NCAM2: variants seen among roughly 807,000 people sequenced by gnomAD.
The protein encoded by NCAM2 is N-CAM-2.
NCAM2 carries 30 observed loss-of-function variants against 98.1 expected under a neutral mutation model. The ratio of observed to expected loss-of-function variants is 0.31; its 90% CI spans 0.23 to 0.41. The LOEUF (loss-of-function observed/expected upper bound fraction) is 0.41, where lower values mean the gene tolerates loss of function less well. Among genes scored for constraint, NCAM2 ranks in the 10% least tolerant of loss-of-function variants. The pLI, the probability that NCAM2 is intolerant of heterozygous loss-of-function variation, is 1.00. For synonymous variants in NCAM2, 368 were observed against 342.4 expected (o/e 1.07, Z -0.83); for missense variants, 867 against 1,005.8 (o/e 0.86, Z 1.87).
intron 15 of NCAM2, among the ~76,000 whole-genome samples, chr21:21,496,156 T>C (rs1987219190): frequency 6.6e-6 from 1 of 151,784 alleles, no homozygotes; most frequent in Admixed American, 6.6e-5. Flanking sequence ...CTGGGTCAAA[T>C]GGTAGTTCTG....
intron 1 of NCAM2, among the ~76,000 whole-genome samples, chr21:21,175,086 G>GA (rs1332233121): frequency 6.6e-6 from 1 of 152,052 alleles, no homozygotes; most frequent in African/African-American, 2.4e-5. Context: ...GCTTGAAACA[G>GA]AAAAATAACA....
intron 12 of NCAM2, among the ~76,000 whole-genome samples, chr21:21,445,793 G>T (rs981421808): frequency 1.3e-5 from 2 of 152,076 alleles, no homozygotes; most frequent in Admixed American, 6.6e-5. Context: ...GCCAGTCTGT[G>T]TCTTTTAATT....
intron 1 of NCAM2, among the ~76,000 whole-genome samples, chr21:21,242,788 GAATGAATACCTTTTTGGCATC>G (rs894670581): frequency 6.6e-6 from 1 of 152,104 alleles, no homozygotes; most frequent in Admixed American, 6.6e-5. Flanking sequence ...ATACTGCAAT[GAATGAATACCTTTTTGGCATC>G]ATGTTATCCA....
At chr21:21,038,268 A>G (rs182111664) in intron 1 of NCAM2, among the ~76,000 whole-genome samples, 77 of 152,352 alleles carry the variant, frequency 5.1e-4, no homozygotes, top group African/African-American at 1.7e-3. Context: ...TTTTGTATAT[A>G]AAAGAAAATG....
Position 21,542,146 on chromosome 21 carries a change from A to G in NCAM2, c.*4189A>G, listed in dbSNP as rs1990255751. 4 of 151,884 alleles carry G rather than the reference A, an allele frequency of 2.6e-5. No individual in the cohort carries two copies. Among genetic ancestry groups the G allele is most frequent in the Non-Finnish European group, 1.5e-5 (1 of 67,838 alleles). 9.4% of individuals were successfully genotyped at this position (151,884 alleles called of 1,614,324 possible). On this transcript the variant is annotated 3_prime_UTR_variant, in exon 18 of 18. Coordinates refer to ENST00000400546, the MANE Select transcript of NCAM2 (RefSeq NM_004540.5). ...CTTAAGATGAAACAATTTTATGTCC[A>G]AATGAGAAATTTATAAAAAGACCCA...
intron 10 of NCAM2, among the ~76,000 whole-genome samples, chr21:21,411,110 A>ATGTGTATATATATATACATATATATG (rs373718170): frequency 6.3e-4 from 17 of 26,976 alleles, no homozygotes; most frequent in African/African-American, 1.2e-3. Flanking sequence ...ATACATATAT[A>ATGTGTATATATATATACATATATATG]TGTATATATA....
chr21:21,466,742 A>AT lies in NCAM2; in HGVS notation c.1774+23dup. 6.3e-7 allele frequency: 1 copy of AT among 1,587,516 alleles called. No homozygotes were observed. Among genetic ancestry groups the AT allele is most frequent in the Non-Finnish European group, 8.6e-7 (1 of 1,167,882 alleles). ...TACCAGTTCGTAAGTAATCATCTCT[A>AT]TTTTTTATTCTCTTTTGTCATTTTC... On this transcript the variant is annotated intron_variant, in intron 13 of 17. Transcript: ENST00000400546.
chr21:21,484,584 A>G (rs926814106), intron 15 of NCAM2, among the ~76,000 whole-genome samples: 17 of 152,224 alleles, frequency 1.1e-4, no homozygotes, highest in Admixed American at 7.2e-4. Context: ...ATCATATGGT[A>G]TATCCTCTTA....
chr21:21,216,815 C>T lies in NCAM2; in HGVS notation c.56-63763C>T, dbSNP rs183353591. Among the ~76,000 whole-genome samples the T allele has an allele frequency of 3.5e-3, 534 of 152,230 alleles. 5 individuals carry two copies. The highest frequency in any genetic ancestry group is 0.012 in the African/African-American group (516 of 41,534). ...ATGAAGAGAGTCTGCTTCAGGTTCC[C>T]TTAGGTACAGGTGGGAAAACCCTGG... On this transcript the variant is annotated intron_variant, in intron 1 of 17. Coordinates refer to ENST00000400546, the MANE Select transcript of NCAM2 (RefSeq NM_004540.5).
chr21:21,295,268 T>A (rs2073436354), intron 5 of NCAM2, among the ~76,000 whole-genome samples: 1 of 151,876 alleles, frequency 6.6e-6, no homozygotes, highest in Non-Finnish European at 1.5e-5. Context: ...ACCAATTAGT[T>A]GAAAGATATC....
intron 1 of NCAM2, among the ~76,000 whole-genome samples, chr21:21,099,846 A>G (rs921900950): frequency 1.3e-5 from 2 of 151,862 alleles, no homozygotes; most frequent in African/African-American, 2.4e-5. Flanking sequence ...CTGTTATGTC[A>G]TCTTTACTTC....
At chr21:21,187,837 A>G (rs938194521) in intron 1 of NCAM2, among the ~76,000 whole-genome samples, 26 of 152,314 alleles carry the variant, frequency 1.7e-4, no homozygotes, top group South Asian at 6.2e-4. Context: ...CTAGAAATCT[A>G]TAGGGGAAAT....
chr21:21,413,966 A>G (rs2076936907), intron 10 of NCAM2, among the ~76,000 whole-genome samples: 1 of 152,218 alleles, frequency 6.6e-6, no homozygotes, highest in Non-Finnish European at 1.5e-5. Context: ...ACATCTTTCA[A>G]AAATGAAGTA....
chr21:21,419,581 G>A (rs139971108), intron 11 of NCAM2, among the ~76,000 whole-genome samples: 2,436 of 137,304 alleles, frequency 0.018, 68 homozygotes, highest in African/African-American at 0.063. Flanking sequence ...TCATTGTTCA[G>A]TTCCCACCTA....
chr21:21,284,958 C>T (rs1056645788), intron 3 of NCAM2, among the ~76,000 whole-genome samples: 12 of 151,604 alleles, frequency 7.9e-5, no homozygotes, highest in African/African-American at 2.9e-4. Context: ...ATGTTCCTTT[C>T]TCCTCCTTAT....
chr21:21,261,847 A>G (rs1017506132), intron 1 of NCAM2, among the ~76,000 whole-genome samples: 1 of 152,124 alleles, frequency 6.6e-6, no homozygotes. Context: ...CAGAAACATG[A>G]AACAGCAAAG....
intron 17 of NCAM2, among the ~76,000 whole-genome samples, 180 bp from the exon 18 acceptor site, chr21:21,537,666 T>A (rs1468996459): frequency 6.6e-6 from 1 of 152,142 alleles, no homozygotes; most frequent in African/African-American, 2.4e-5. Context: ...TTAATAAATT[T>A]AATTTTTCCT....
At position 21,203,617 on chromosome 21, in the gene NCAM2, T is replaced by C. The variant is rs150973897; in HGVS notation, c.56-76961T>C. Among the ~76,000 whole-genome samples the C allele has an allele frequency of 1.0e-2, 1,522 of 152,326 alleles. 19 individuals are homozygous for C. The highest frequency in any genetic ancestry group is 0.024 in the Middle Eastern group (7 of 294). On this transcript the variant is annotated intron_variant, in intron 1 of 17. Transcript: ENST00000400546. ...TCACAGAATCTATTGCATTTCCTAATACATACTATATGCTCAATCAAGAGT... is the reference window on the plus strand; with the variant it reads ...TCACAGAATCTATTGCATTTCCTAACACATACTATATGCTCAATCAAGAGT...
intron 1 of NCAM2, among the ~76,000 whole-genome samples, chr21:21,040,492 A>G (rs1402849100): frequency 6.6e-6 from 1 of 152,100 alleles, no homozygotes; most frequent in Non-Finnish European, 1.5e-5. Flanking sequence ...TATAGAAATG[A>G]TGCAATATTC....
Sources: allele counts gnomAD v4.1 joint callset (sites outside exome capture counted in the v4.1 genomes callset), GRCh38; gene constraint gnomAD v4.1.1; transcripts MANE v1.5; gene names NCBI Gene and HGNC (gene_info 2026-07-23, HGNC 2026-07-21).